The following ZFPM2 variants were observed in gnomAD, a reference collection of about 807,000 sequenced individuals.
ZFPM2 encodes zinc finger protein ZFPM2.
A neutral mutation model predicts 98.6 loss-of-function variants in ZFPM2; 20 were observed. That is an observed-to-expected ratio of 0.20 (90% confidence interval 0.14 to 0.29). ZFPM2 has a LOEUF of 0.29. Among genes scored for constraint, ZFPM2 ranks in the 10% least tolerant of loss-of-function variants. The pLI is 1.00. For missense variants in ZFPM2, 1,310 were observed against 1,388.6 expected (o/e 0.94, Z 0.90); for synonymous variants, 518 against 502.7 (o/e 1.03, Z -0.41).
At chr8:105,554,451 G>C (rs923733109) in intron 3 of ZFPM2, among the ~76,000 whole-genome samples, 4 of 152,144 alleles carry the variant, frequency 2.6e-5, no homozygotes, top group Admixed American at 2.6e-4. Flanking sequence ...GAATCTTTGA[G>C]TGCTTTTTGA....
intron 4 of ZFPM2, among the ~76,000 whole-genome samples, chr8:105,592,270 C>G (rs1815865763): frequency 6.6e-6 from 1 of 151,384 alleles, no homozygotes; most frequent in African/African-American, 2.4e-5. Context: ...AAAGGGTTGT[C>G]TGAAATGTAA....
At chr8:105,427,613 C>G (rs532812579) in intron 2 of ZFPM2, among the ~76,000 whole-genome samples, 17 of 152,270 alleles carry the variant, frequency 1.1e-4, no homozygotes, top group African/African-American at 4.1e-4. Flanking sequence ...CACCCATTAC[C>G]TGATGGGATA....
chr8:105,760,565 T>TATGAGGGA, intron 5 of ZFPM2, among the ~76,000 whole-genome samples: 1 of 152,044 alleles, frequency 6.6e-6, no homozygotes, highest in Non-Finnish European at 1.5e-5. Context: ...CAGGAAATGA[T>TATGAGGGA]ATGAGGGAGA....
At chr8:105,559,793 GA>G (rs541725086) in intron 3 of ZFPM2, among the ~76,000 whole-genome samples, 1 of 151,268 alleles carries the variant, frequency 6.6e-6, no homozygotes. Context: ...GTTTCTTTTT[GA>G]AAAAAAACTC....
Position 105,803,557 on chromosome 8 carries a change from A to T in ZFPM2, c.*19A>T. 6.3e-7 allele frequency: 1 copy of T among 1,587,446 alleles called. No individual in the cohort carries two copies. The highest frequency in any genetic ancestry group is 8.6e-7 in the Non-Finnish European group (1 of 1,165,324). On this transcript the variant is annotated 3_prime_UTR_variant, in exon 8 of 8. Coordinates refer to ENST00000407775, the MANE Select transcript of ZFPM2 (RefSeq NM_012082.4). ...CAAATGAACTAACTAAACATCAGTC[A>T]CCTTTGGTATCAGTGTTTAGTATGT...
At position 105,694,208 on chromosome 8, in the gene ZFPM2, A is replaced by T. The variant is rs181458002; in HGVS notation, c.532+59851A>T. Among the ~76,000 whole-genome samples, 114 of 151,776 alleles carry T rather than the reference A, an allele frequency of 7.5e-4. 1 individual carries two copies. In the East Asian group the frequency reaches 0.013, roughly 18 times the overall value. ...TCGCTGTGTTAGCCAGGATGGTCTC[A>T]ATCTCCTGACCTTGTGATCTGCCCC... On this transcript the variant is annotated intron_variant, in intron 5 of 7. Transcript: ENST00000407775.
chr8:105,665,815 A>T (rs965985108), intron 5 of ZFPM2, among the ~76,000 whole-genome samples: 7 of 152,170 alleles, frequency 4.6e-5, no homozygotes, highest in African/African-American at 1.7e-4. Context: ...ACCTTATAAG[A>T]TTATTTGGGG....
chr8:105,671,127 G>A (rs970638771), intron 5 of ZFPM2, among the ~76,000 whole-genome samples: 1 of 151,808 alleles, frequency 6.6e-6, no homozygotes. Flanking sequence ...TAAAAATAGT[G>A]GCTTAAAGAT....
chr8:105,413,065 AT>A (rs943151357), intron 1 of ZFPM2, among the ~76,000 whole-genome samples: 9 of 151,788 alleles, frequency 5.9e-5, no homozygotes, highest in African/African-American at 2.2e-4. Flanking sequence ...GAGTCGGGTT[AT>A]TTTTTTCCCC....
chr8:105,358,854 C>T (rs1187783769), intron 1 of ZFPM2, among the ~76,000 whole-genome samples: 3 of 152,038 alleles, frequency 2.0e-5, no homozygotes, highest in Non-Finnish European at 4.4e-5. Flanking sequence ...ACTTGGGAGG[C>T]TGAGGCAGGA....
intron 4 of ZFPM2, among the ~76,000 whole-genome samples, chr8:105,598,738 C>G (rs1377985430): frequency 6.6e-6 from 1 of 152,068 alleles, no homozygotes; most frequent in Admixed American, 6.6e-5. Context: ...TTGGGACTGA[C>G]CAAGAAAGAT....
chr8:105,595,970 A>G (rs1355064232), intron 4 of ZFPM2, among the ~76,000 whole-genome samples: 1 of 151,320 alleles, frequency 6.6e-6, no homozygotes, highest in Admixed American at 6.6e-5. Flanking sequence ...AACTGAGAGT[A>G]TAGCAAAATT....
intron 5 of ZFPM2, among the ~76,000 whole-genome samples, chr8:105,694,111 C>G (rs1197737059): frequency 1.3e-5 from 2 of 151,018 alleles, no homozygotes; most frequent in Non-Finnish European, 2.9e-5. Context: ...CTCTGCTTCC[C>G]GAATAGGTAG....
intron 1 of ZFPM2, among the ~76,000 whole-genome samples, chr8:105,320,820 A>T (rs1327834164): frequency 6.6e-6 from 1 of 152,224 alleles, no homozygotes; most frequent in East Asian, 1.9e-4. Flanking sequence ...GTTACAAGTC[A>T]TAAAACATTT....
At chr8:105,752,588 G>A (rs1023080509) in intron 5 of ZFPM2, among the ~76,000 whole-genome samples, 2 of 152,058 alleles carry the variant, frequency 1.3e-5, no homozygotes, top group East Asian at 1.9e-4. Flanking sequence ...ATAGTGTTTC[G>A]TTCATAATTT....
intron 1 of ZFPM2, among the ~76,000 whole-genome samples, chr8:105,365,354 G>C (rs72671666): frequency 2.0e-5 from 3 of 152,256 alleles, no homozygotes; most frequent in Admixed American, 6.5e-5. Context: ...CTGAGAACAT[G>C]TTTGCTGGAA....
At chr8:105,357,484 C>T (rs1350607193) in intron 1 of ZFPM2, among the ~76,000 whole-genome samples, 1 of 152,144 alleles carries the variant, frequency 6.6e-6, no homozygotes, top group Admixed American at 6.5e-5. Flanking sequence ...TAAGCGTTTA[C>T]TTCAGGTCTT....
chr8:105,343,136 A>G (rs1440738799), intron 1 of ZFPM2, among the ~76,000 whole-genome samples: 3 of 152,172 alleles, frequency 2.0e-5, no homozygotes, highest in African/African-American at 7.2e-5. Flanking sequence ...TTTAATAACA[A>G]TATAGATTTT....
At chr8:105,681,475 T>C (rs1810598287) in intron 5 of ZFPM2, among the ~76,000 whole-genome samples, 1 of 152,198 alleles carries the variant, frequency 6.6e-6, no homozygotes, top group South Asian at 2.1e-4. Context: ...TGTCTGTAGA[T>C]TATAAGTAGC....
Sources: gnomAD v4.1 joint callset for allele counts (sites outside exome capture counted in the v4.1 genomes callset) on GRCh38, gnomAD v4.1.1 for gene constraint, MANE v1.5 for transcripts, NCBI Gene and HGNC (gene_info 2026-07-23, HGNC 2026-07-21) for gene names.